Variants in CADM2 observed in about 807,000 individuals in gnomAD.
CADM2 encodes the protein immunoglobulin superfamily member 4D.
Under a neutral mutation model 49.8 loss-of-function variants are expected in CADM2, and 12 were observed. That is an observed-to-expected ratio of 0.24 (90% CI 0.15 to 0.39). The LOEUF (loss-of-function observed/expected upper bound fraction) is 0.39. CADM2 is among the 10% of genes least tolerant of loss of function. The pLI, the probability that CADM2 is intolerant of heterozygous loss-of-function variation, is 1.00. For synonymous variants in CADM2, 214 were observed against 175.4 expected (o/e 1.22, Z -1.74); for missense variants, 378 against 492.3 (o/e 0.77, Z 2.20).
chr3:85,745,023 C>T (rs763039005), intron 2 of CADM2, among the ~76,000 whole-genome samples: 5 of 151,930 alleles, frequency 3.3e-5, no homozygotes, highest in Non-Finnish European at 7.4e-5. Context: ...GCTAGTGTGG[C>T]GTTGGTGAGA....
intron 8 of CADM2, among the ~76,000 whole-genome samples, chr3:85,991,175 C>A (rs1728732614): frequency 6.6e-6 from 1 of 152,182 alleles, no homozygotes; most frequent in South Asian, 2.1e-4. Flanking sequence ...ATTATCCCCC[C>A]ACACATTTTA....
chr3:85,428,604 T>G (rs1483259650), intron 1 of CADM2, among the ~76,000 whole-genome samples: 1 of 146,234 alleles, frequency 6.8e-6, no homozygotes, highest in Non-Finnish European at 1.5e-5. Context: ...ATATTTATTA[T>G]ATAAAATATA....
At chr3:85,589,659 C>A (rs1317560026) in intron 1 of CADM2, among the ~76,000 whole-genome samples, 2 of 152,008 alleles carry the variant, frequency 1.3e-5, no homozygotes, top group African/African-American at 4.8e-5. Context: ...TATTTACATA[C>A]AGTTTTCTCT....
chr3:85,536,987 T>TG (rs1347354937), intron 1 of CADM2, among the ~76,000 whole-genome samples: 1 of 152,058 alleles, frequency 6.6e-6, no homozygotes, highest in African/African-American at 2.4e-5. Context: ...CTTCATGCCT[T>TG]GCCTATCCCT....
chr3:85,395,883 C>T (rs1039647902), intron 1 of CADM2, among the ~76,000 whole-genome samples: 5 of 148,804 alleles, frequency 3.4e-5, no homozygotes, highest in South Asian at 2.1e-4. Flanking sequence ...TACTGTCTTC[C>T]GAGGATAATA....
intron 1 of CADM2, among the ~76,000 whole-genome samples, chr3:85,231,556 A>G (rs1377157821): frequency 6.6e-6 from 1 of 152,024 alleles, no homozygotes; most frequent in Non-Finnish European, 1.5e-5. Flanking sequence ...GAGCCACATA[A>G]AGGACACTGA....
At chr3:85,592,752 C>T (rs1015042342) in intron 1 of CADM2, among the ~76,000 whole-genome samples, 3 of 151,730 alleles carry the variant, frequency 2.0e-5, no homozygotes, top group East Asian at 2.0e-4. Flanking sequence ...ATGTGCAGAA[C>T]GTGCAGGTTT....
chr3:86,024,325 CTT>C (rs760622158), intron 8 of CADM2, among the ~76,000 whole-genome samples: 14 of 152,258 alleles, frequency 9.2e-5, no homozygotes, highest in African/African-American at 2.2e-4. Context: ...TATTCTGAAA[CTT>C]ATAATTTTTT....
chr3:85,992,075 A>T (rs552180241), intron 8 of CADM2: 36 of 151,924 alleles, frequency 2.4e-4, no homozygotes, highest in African/African-American at 4.6e-4. Context: ...TGTATTTTTC[A>T]TTTTAAATAA....
chr3:85,732,769 C>T (rs772783627), intron 2 of CADM2, among the ~76,000 whole-genome samples: 8 of 152,090 alleles, frequency 5.3e-5, no homozygotes, highest in African/African-American at 9.7e-5. Flanking sequence ...ACCATTTTAT[C>T]GTCATTTTCA....
intron 1 of CADM2, among the ~76,000 whole-genome samples, chr3:85,624,508 T>A (rs1034075509): frequency 4.6e-5 from 7 of 152,026 alleles, no homozygotes; most frequent in Admixed American, 1.3e-4. Flanking sequence ...AATTTTTGTA[T>A]TTTTGGTAGA....
At chr3:85,754,660 C>A (rs1332577809) in intron 2 of CADM2, among the ~76,000 whole-genome samples, 1 of 152,040 alleles carries the variant, frequency 6.6e-6, no homozygotes, top group Non-Finnish European at 1.5e-5. Context: ...TAGTGCTAAT[C>A]AAATTCTCCA....
intron 1 of CADM2, among the ~76,000 whole-genome samples, chr3:85,472,417 G>C (rs910955450): frequency 6.6e-6 from 1 of 151,786 alleles, no homozygotes; most frequent in Non-Finnish European, 1.5e-5. Context: ...CACATACACA[G>C]AGTGATATAT....
intron 2 of CADM2, among the ~76,000 whole-genome samples, chr3:85,743,651 T>C (rs2068487711): frequency 6.6e-6 from 1 of 152,126 alleles, no homozygotes; most frequent in Non-Finnish European, 1.5e-5. Context: ...ACCTCCCTTG[T>C]ATTGGGTAGA....
intron 3 of CADM2, among the ~76,000 whole-genome samples, chr3:85,875,862 G>A (rs753370892): frequency 4.6e-5 from 7 of 152,160 alleles, no homozygotes; most frequent in Non-Finnish European, 8.8e-5. Flanking sequence ...GCAACAGACA[G>A]CAAAATAAAA....
intron 1 of CADM2, among the ~76,000 whole-genome samples, chr3:85,384,458 C>G (rs2034097333): frequency 1.3e-5 from 2 of 151,954 alleles, no homozygotes; most frequent in Non-Finnish European, 2.9e-5. Flanking sequence ...ATTACAGACA[C>G]CCGCCACCAC....
At chr3:85,701,874 TA>T (rs1434628149) in intron 1 of CADM2, among the ~76,000 whole-genome samples, 1 of 102,148 alleles carries the variant, frequency 9.8e-6, no homozygotes, top group African/African-American at 2.8e-5. Context: ...GATAGATAGA[TA>T]GATAGATAGA....
Position 85,690,828 on chromosome 3 carries a change from C to T in CADM2, c.62-35694C>T, listed in dbSNP as rs557753487. On this transcript the variant is annotated intron_variant, in intron 1 of 9. Transcript: ENST00000383699. ...ACTTGTACATATTTATGGTACAGTG[C>T]GATATTTCTATACTTGTATACATCA... Among the ~76,000 whole-genome samples the T allele has an allele frequency of 2.7e-4, 41 of 152,122 alleles. No individual in the cohort carries two copies. In the South Asian group the frequency reaches 7.9e-3, roughly 29 times the overall value.
intron 1 of CADM2, among the ~76,000 whole-genome samples, chr3:85,568,561 C>T (rs73137879): frequency 3.7e-4 from 22 of 59,358 alleles, no homozygotes; most frequent in East Asian, 4.9e-4. Flanking sequence ...CTCTTTCTTT[C>T]TTTTCCTTCC....
Sources: allele counts gnomAD v4.1 joint callset (sites outside exome capture counted in the v4.1 genomes callset), GRCh38; gene constraint gnomAD v4.1.1; transcripts MANE v1.5; gene names NCBI Gene and HGNC (gene_info 2026-07-23, HGNC 2026-07-21).